FTO: variants seen among roughly 807,000 people sequenced by gnomAD.
FTO encodes FTO alpha-ketoglutarate dependent dioxygenase, also known as alpha-ketoglutarate-dependent dioxygenase FTO.
FTO carries 47 observed loss-of-function variants against 63.9 expected under a neutral mutation model. The ratio of observed to expected loss-of-function variants is 0.74; its 90% confidence interval spans 0.58 to 0.94. The LOEUF (loss-of-function observed/expected upper bound fraction) is 0.94, where lower values mean the gene tolerates loss of function less well. Ranked by LOEUF, FTO falls within the 40% of genes least tolerant of loss-of-function variation. The probability of loss-of-function intolerance (pLI) is 0.00; values close to 1 mark genes in which losing one functional copy is unlikely to be tolerated. For synonymous variants in FTO, 207 were observed against 224.4 expected (o/e 0.92, Z 0.69); for missense variants, 562 against 618.1 (o/e 0.91, Z 0.96).
intron 1 of FTO, among the ~76,000 whole-genome samples, chr16:53,704,459 A>G (rs1342883343): frequency 1.3e-5 from 2 of 152,158 alleles, no homozygotes; most frequent in African/African-American, 4.8e-5. Flanking sequence ...CAAGATACCC[A>G]TTTCCTTGTC....
chr16:54,061,830 T>A (rs1464445747), intron 8 of FTO: 1 of 152,196 alleles, frequency 6.6e-6, no homozygotes, highest in East Asian at 1.9e-4. Flanking sequence ...ACCTTGACTT[T>A]GGAGGGCTCT....
At chr16:53,918,077 C>T (rs1389702635) in intron 7 of FTO, among the ~76,000 whole-genome samples, 4 of 151,906 alleles carry the variant, frequency 2.6e-5, no homozygotes, top group Non-Finnish European at 5.9e-5. Flanking sequence ...AAGAGTGGGC[C>T]GGGTTTGTGG....
chr16:53,762,244 T>C (rs1468225133), intron 1 of FTO, among the ~76,000 whole-genome samples: 4 of 152,218 alleles, frequency 2.6e-5, no homozygotes, highest in African/African-American at 9.7e-5. Flanking sequence ...ACAGGATAGC[T>C]ACAATTGTTC....
intron 7 of FTO, among the ~76,000 whole-genome samples, chr16:53,892,890 C>T (rs1452571524): frequency 1.3e-5 from 2 of 152,124 alleles, no homozygotes; most frequent in East Asian, 3.9e-4. Context: ...CGCTTTTCTT[C>T]CATTAATGGT....
intron 8 of FTO, among the ~76,000 whole-genome samples, chr16:54,106,353 C>A (rs2086751238): frequency 6.6e-6 from 1 of 151,616 alleles, no homozygotes; most frequent in African/African-American, 2.4e-5. Context: ...CAGGGAGAAC[C>A]ACTCCTAAGT....
chr16:53,873,201 A>G lies in FTO; in HGVS notation c.896-585A>G, dbSNP rs1032384553. 5.9e-5 allele frequency among the ~76,000 whole-genome samples: 9 copies of G among 152,254 alleles called. No individual in the cohort carries two copies. In the East Asian group the frequency reaches 1.5e-3, roughly 26 times the overall value. On this transcript the variant is annotated intron_variant, in intron 4 of 8. Transcript: ENST00000471389. ...GCAACTCCAAATTCTGGTTTATTCT[A>G]AAGATAAGGGTAGAAGTAGATGTGT... is the stretch of plus-strand genomic sequence containing the variant.
intron 8 of FTO, among the ~76,000 whole-genome samples, chr16:53,989,123 C>G (rs62035803): frequency 0.29 from 44,419 of 151,886 alleles, 7,383 homozygotes; most frequent in Non-Finnish European, 0.36. Flanking sequence ...CTGATGTGCT[C>G]TGAGAGGCCA....
At chr16:53,776,036 A>G (rs113995117) in intron 1 of FTO, among the ~76,000 whole-genome samples, 2,685 of 152,218 alleles carry the variant, frequency 0.018, 76 homozygotes, top group African/African-American at 0.061. Flanking sequence ...TGGAGGGTCA[A>G]TCTGGGGGCT....
rs150551253 is a variant in FTO at position 53,705,517 on chromosome 16, C to T, written c.45+1288C>T. ...GGCAGTGAATAACAGTGTTAAATAA[C>T]GTAGACACAGTTCTTGCTTTCATAG... On this transcript the variant is annotated intron_variant, in intron 1 of 8. Transcript: ENST00000471389. Among the ~76,000 whole-genome samples, 96 of 152,338 alleles carry T rather than the reference C, an allele frequency of 6.3e-4. 1 individual carries two copies. Among genetic ancestry groups the T allele is most frequent in the African/African-American group, 2.1e-3 (86 of 41,580 alleles).
At chr16:53,760,315 T>C (rs1898370051) in intron 1 of FTO, among the ~76,000 whole-genome samples, 1 of 151,190 alleles carries the variant, frequency 6.6e-6, no homozygotes, top group Non-Finnish European at 1.5e-5. Context: ...TGGTGCGATC[T>C]TGGGTCACTG....
chr16:53,774,084 C>T (rs1293066973), intron 1 of FTO, among the ~76,000 whole-genome samples: 2 of 152,082 alleles, frequency 1.3e-5, no homozygotes, highest in South Asian at 2.1e-4. Flanking sequence ...ACAATTTCAA[C>T]GTTTATTTTA....
intron 3 of FTO, among the ~76,000 whole-genome samples, 173 bp from the exon 4 acceptor site, chr16:53,843,982 C>G (rs970452874): frequency 5.3e-5 from 8 of 151,902 alleles, no homozygotes; most frequent in African/African-American, 1.7e-4. Context: ...AAATTAATGA[C>G]ATGTTAAAAA....
chr16:53,855,031 T>C (rs1237025314), intron 4 of FTO, among the ~76,000 whole-genome samples: 1 of 128,112 alleles, frequency 7.8e-6, no homozygotes, highest in African/African-American at 3.4e-5. Flanking sequence ...GGTACTTTAT[T>C]ATTATTATTT....
chr16:53,721,974 T>C (rs2076051505), intron 1 of FTO, among the ~76,000 whole-genome samples: 1 of 152,090 alleles, frequency 6.6e-6, no homozygotes, highest in South Asian at 2.1e-4. Context: ...TTCTGCTTGG[T>C]TGTTTATAAG....
intron 1 of FTO, among the ~76,000 whole-genome samples, chr16:53,789,767 T>C (rs112239503): frequency 3.7e-4 from 54 of 147,778 alleles, no homozygotes; most frequent in South Asian, 3.2e-3. Flanking sequence ...TATATATATA[T>C]ACACACACAC....
At chr16:53,868,095 G>A (rs557491792) in intron 4 of FTO, among the ~76,000 whole-genome samples, 1 of 152,144 alleles carries the variant, frequency 6.6e-6, no homozygotes, top group East Asian at 1.9e-4. Context: ...TATTTGAATT[G>A]AGTTTCTTGT....
At chr16:53,728,174 G>T (rs2076193952) in intron 1 of FTO, among the ~76,000 whole-genome samples, 1 of 152,026 alleles carries the variant, frequency 6.6e-6, no homozygotes, top group African/African-American at 2.4e-5. Context: ...AGGAGTTTGA[G>T]GTTACAGTGA....
chr16:53,768,583 G>A (rs916916319), intron 1 of FTO, among the ~76,000 whole-genome samples: 6 of 152,136 alleles, frequency 3.9e-5, no homozygotes, highest in Admixed American at 1.3e-4. Flanking sequence ...GGGCAACTCC[G>A]TGTAGCAGGA....
chr16:53,986,594 T>G (rs1448460022), intron 8 of FTO, among the ~76,000 whole-genome samples: 10 of 152,230 alleles, frequency 6.6e-5, no homozygotes, highest in Non-Finnish European at 1.5e-5. Flanking sequence ...ATTTCTGATT[T>G]CAGCCTAGAC....
Sources: gnomAD v4.1 joint callset for allele counts (sites outside exome capture counted in the v4.1 genomes callset) on GRCh38, gnomAD v4.1.1 for gene constraint, MANE v1.5 for transcripts, NCBI Gene and HGNC (gene_info 2026-07-23, HGNC 2026-07-21) for gene names.